The following C2CD2 variants were observed in gnomAD, a reference collection of about 807,000 sequenced individuals.
C2CD2 encodes the protein C2 domain-containing protein 2.
In C2CD2, 43 loss-of-function variants were observed where a neutral mutation model predicts 74.3. The observed-to-expected ratio is 0.58, with a 90% CI of 0.45 to 0.75. C2CD2 has a LOEUF of 0.75. C2CD2 is among the 30% of genes least tolerant of loss of function. The pLI is 0.00. For synonymous variants in C2CD2, 422 were observed against 390.7 expected (o/e 1.08, Z -0.94); for missense variants, 801 against 916.3 (o/e 0.87, Z 1.63).
At chr21:41,942,759 C>T (rs2065365702) in intron 1 of C2CD2, among the ~76,000 whole-genome samples, 1 of 152,102 alleles carries the variant, frequency 6.6e-6, no homozygotes, top group Non-Finnish European at 1.5e-5. Flanking sequence ...AGGGTGCCCC[C>T]CATTCTCCTC....
At chr21:41,927,228 C>T (rs576775633) in intron 2 of C2CD2, among the ~76,000 whole-genome samples, 1 of 152,112 alleles carries the variant, frequency 6.6e-6, no homozygotes, top group Non-Finnish European at 1.5e-5. Flanking sequence ...TGCAGTGGCA[C>T]AATCTTGGCT....
intron 1 of C2CD2, among the ~76,000 whole-genome samples, chr21:41,943,758 G>T (rs549300434): frequency 6.6e-6 from 1 of 152,216 alleles, no homozygotes; most frequent in Non-Finnish European, 1.5e-5. Context: ...TAAACCTAAA[G>T]GGGACAGAAC....
At chr21:41,889,780 G>A (rs988301771) in intron 13 of C2CD2, among the ~76,000 whole-genome samples, 3 of 151,966 alleles carry the variant, frequency 2.0e-5, no homozygotes, top group Non-Finnish European at 2.9e-5. Context: ...TTACAGGTGT[G>A]TGCCACCATG....
At position 41,939,838 on chromosome 21, in the gene C2CD2, C is replaced by T. The variant is rs2065339848; in HGVS notation, c.378+2309G>A. ...GGTGACTGACTCAGGAATACTTGGTCAAGCTGAAGTATGCACACCAGTGAC... is the reference window on the plus strand; with the variant it reads ...GGTGACTGACTCAGGAATACTTGGTTAAGCTGAAGTATGCACACCAGTGAC... On this transcript the variant is annotated intron_variant, in intron 2 of 13. Coordinates refer to ENST00000380486, the MANE Select transcript of C2CD2 (RefSeq NM_015500.2). The surrounding 1 kb of genome is among the most constrained non-coding windows in gnomAD (Gnocchi z 5.5). Among the ~76,000 whole-genome samples, 1 of 152,168 alleles carries T rather than the reference C, an allele frequency of 6.6e-6. No individual in the cohort carries two copies. Among genetic ancestry groups the T allele is most frequent in the Non-Finnish European group, 1.5e-5 (1 of 68,034 alleles).
rs1333126824 is a variant in C2CD2, at chr21:41,887,346, A to G, written c.*1778T>C. The G allele has an allele frequency of 1.3e-5, 2 of 152,206 alleles. No homozygotes were observed. The highest frequency in any genetic ancestry group is 2.9e-5 in the Non-Finnish European group (2 of 68,046). 9.4% of individuals were successfully genotyped at this position (152,206 alleles called of 1,614,324 possible). A position where few individuals can be genotyped will look rare whatever the true frequency, so the allele number is the denominator to read the frequency against. On this transcript the variant is annotated 3_prime_UTR_variant, in exon 14 of 14. Transcript: ENST00000380486. Reference sequence around the variant, plus strand: ...AAAAACAAAGCAGGTTGGAAAAGTCATTTTAAAGTCACTTGATAATTCCTG... The same window carrying G: ...AAAAACAAAGCAGGTTGGAAAAGTCGTTTTAAAGTCACTTGATAATTCCTG...
rs1193980250 is a variant in C2CD2 at position 41,895,292 on chromosome 21, G to A, written c.1870+3761C>T. ...CTTAAATATGTAACCTATGGGTTCT[G>A]CTTCTCTGGAGGACTGTGACTGATC... is the stretch of plus-strand genomic sequence containing the variant. On this transcript the variant is annotated intron_variant, in intron 13 of 13. Coordinates refer to ENST00000380486, the MANE Select transcript of C2CD2 (RefSeq NM_015500.2). The surrounding 1 kb of genome is among the most constrained non-coding windows in gnomAD (Gnocchi z 5.0). Among the ~76,000 whole-genome samples, 2 of 152,140 alleles carry A rather than the reference G, an allele frequency of 1.3e-5. No homozygotes were observed. The highest frequency in any genetic ancestry group is 4.8e-5 in the African/African-American group (2 of 41,418).
chr21:41,936,727 A>G (rs2065310162), intron 2 of C2CD2, among the ~76,000 whole-genome samples: 1 of 152,054 alleles, frequency 6.6e-6, no homozygotes, highest in African/African-American at 2.4e-5. Flanking sequence ...CTCAACGTGA[A>G]GACGATGAGG....
chr21:41,886,767 C>T lies in C2CD2; in HGVS notation c.*2357G>A, dbSNP rs531611868. On this transcript the variant is annotated 3_prime_UTR_variant, in exon 14 of 14. Coordinates refer to ENST00000380486, the MANE Select transcript of C2CD2 (RefSeq NM_015500.2). ...TGGGAGGCCAAGGTGGGTGGATCAC[C>T]TGAGGTCAGGAGTTCGAGACCAGCC... 1 of 152,116 alleles carries T rather than the reference C, an allele frequency of 6.6e-6. No homozygotes were observed. The allele number at this position is 152,116 out of a possible 1,614,324, so 9.4% of individuals were successfully genotyped here. A position where few individuals can be genotyped will look rare whatever the true frequency, so the allele number is the denominator to read the frequency against.
intron 11 of C2CD2, 136 bp downstream of exon 11, chr21:41,905,588 G>A (rs2064951236): frequency 5.1e-6 from 3 of 588,262 alleles, no homozygotes; most frequent in South Asian, 4.3e-5. Flanking sequence ...AAAGTGCTGA[G>A]ATTACGGGTG....
intron 13 of C2CD2, among the ~76,000 whole-genome samples, chr21:41,896,603 G>A (rs890764555): frequency 6.7e-6 from 1 of 148,936 alleles, no homozygotes; most frequent in East Asian, 2.0e-4. Flanking sequence ...GTGCGGGCTG[G>A]TTTCCAACCA....
At chr21:41,922,368 T>A (rs2065164583) in intron 2 of C2CD2, among the ~76,000 whole-genome samples, 1 of 152,172 alleles carries the variant, frequency 6.6e-6, no homozygotes, top group Non-Finnish European at 1.5e-5. Context: ...TCTACCTGTA[T>A]TACTGAGGCT....
intron 13 of C2CD2, among the ~76,000 whole-genome samples, chr21:41,890,124 A>G (rs1324850882): frequency 6.6e-6 from 1 of 152,148 alleles, no homozygotes; most frequent in African/African-American, 2.4e-5. Context: ...CCTGAGAACA[A>G]TGGTATTCAC....
intron 9 of C2CD2, 79 bp downstream of exon 9, chr21:41,907,581 T>C: frequency 1.4e-6 from 2 of 1,476,878 alleles, no homozygotes; most frequent in South Asian, 1.2e-5. Context: ...GGAGTGAGAC[T>C]CTGCAGACAT....
intron 2 of C2CD2, among the ~76,000 whole-genome samples, chr21:41,941,469 C>G (rs965247085): frequency 3.9e-5 from 6 of 152,210 alleles, no homozygotes; most frequent in African/African-American, 1.4e-4. Context: ...AGCACATAAA[C>G]TGTTAGCAAC....
chr21:41,917,167 A>G (rs1277022283), intron 5 of C2CD2, among the ~76,000 whole-genome samples: 1 of 152,016 alleles, frequency 6.6e-6, no homozygotes, highest in African/African-American at 2.4e-5. Flanking sequence ...TACTCTTGTG[A>G]CCCCCATAGC....
chr21:41,887,286 T>TAAAAA lies in C2CD2; in HGVS notation c.*1837_*1838insTTTTT, dbSNP rs2064695233. On this transcript the variant is annotated 3_prime_UTR_variant, in exon 14 of 14. Transcript: ENST00000380486. ...CACATGTTTTGAAACTCCAGGTGCT[T>TAAAAA]TTTTTACAATGATTAAAACTGGAAT... 6.6e-6 allele frequency: 1 copy of TAAAAA among 152,206 alleles called. No homozygotes were observed. Among genetic ancestry groups the TAAAAA allele is most frequent in the African/African-American group, 2.4e-5 (1 of 41,468 alleles). 9.4% of individuals were successfully genotyped at this position (152,206 alleles called of 1,614,324 possible).
chr21:41,950,119 T>C (rs2065437973), intron 1 of C2CD2, among the ~76,000 whole-genome samples: 1 of 151,168 alleles, frequency 6.6e-6, no homozygotes, highest in Admixed American at 6.6e-5. Context: ...ACATGTACCC[T>C]AGAACTTAAA....
intron 10 of C2CD2, among the ~76,000 whole-genome samples, chr21:41,906,072 T>A (rs2064959033): frequency 6.6e-6 from 1 of 152,230 alleles, no homozygotes; most frequent in Non-Finnish European, 1.5e-5. Flanking sequence ...CTATTTTGCA[T>A]CCCTGAACTG....
At position 41,918,179 on chromosome 21, in the gene C2CD2, A is replaced by G; in HGVS notation, c.646T>C (p.Leu216=). ...GAGGCAGAACCAGCCAAATGCTTCA[A>G]GATGTCCTTGAGAACGTCAGACATC... ...SAMSDVLKDI[L]KHLAGSASPS... Residue 216 remains leucine (L), a synonymous_variant, in exon 5 of 14, where the codon TTG becomes CTG. Coordinates refer to ENST00000380486, the MANE Select transcript of C2CD2 (RefSeq NM_015500.2). 8.7e-6 allele frequency: 14 copies of G among 1,614,170 alleles called. No individual in the cohort carries two copies. Among genetic ancestry groups the G allele is most frequent in the Non-Finnish European group, 1.0e-5 (12 of 1,179,992 alleles).
Sources: gnomAD v4.1 joint callset for allele counts (sites outside exome capture counted in the v4.1 genomes callset) on GRCh38, gnomAD v4.1.1 for gene constraint, Gnocchi (gnomAD v3.1) non-coding constraint, MANE v1.5 for transcripts, NCBI Gene and HGNC (gene_info 2026-07-23, HGNC 2026-07-21) for gene names.